C1orf50: variants seen among roughly 807,000 people sequenced by gnomAD.
C1orf50 encodes the protein chromosome 1 open reading frame 50, also known as uncharacterized protein C1orf50.
A neutral mutation model predicts 23.3 loss-of-function variants in C1orf50; 22 were observed. That is an observed-to-expected ratio of 0.94 (90% CI 0.67 to 1.35). The LOEUF (loss-of-function observed/expected upper bound fraction) is 1.35, where lower values mean the gene tolerates loss of function less well. C1orf50 is among the 40% of genes most tolerant of loss of function. C1orf50 has a pLI of 0.00. For synonymous variants in C1orf50, 96 were observed against 102.4 expected (o/e 0.94, Z 0.38); for missense variants, 271 against 249.4 (o/e 1.09, Z -0.58).
At chr1:42,771,340 A>G (rs986880499) in intron 2 of C1orf50, among the ~76,000 whole-genome samples, 1 of 152,238 alleles carries the variant, frequency 6.6e-6, no homozygotes, top group African/African-American at 2.4e-5. Flanking sequence ...TTTGATTTTA[A>G]TTAATTTGAA....
chr1:42,777,637 C>T lies in C1orf50; in HGVS notation c.*2243C>T, dbSNP rs1217932022. On this transcript the variant is annotated 3_prime_UTR_variant, in exon 5 of 5. Coordinates refer to ENST00000372525, the MANE Select transcript of C1orf50 (RefSeq NM_024097.4). Reference sequence around the variant, plus strand: ...GGTTGGAAGCAAGTCACTAGGCTAGCCCATATTCAAGGGAGGGAGTTATAC... The same window carrying T: ...GGTTGGAAGCAAGTCACTAGGCTAGTCCATATTCAAGGGAGGGAGTTATAC... 2 of 152,182 alleles carry T rather than the reference C, an allele frequency of 1.3e-5. No homozygotes were observed. Among genetic ancestry groups the T allele is most frequent in the African/African-American group, 4.8e-5 (2 of 41,436 alleles). 9.4% of individuals were successfully genotyped at this position (152,182 alleles called of 1,614,324 possible).
chr1:42,775,170 A>G, intron 4 of C1orf50, 39 bp from the exon 5 acceptor site: 1 of 1,554,300 alleles, frequency 6.4e-7, no homozygotes, highest in South Asian at 1.1e-5. Flanking sequence ...TTTGTTTACA[A>G]CCCACGCTGA....
At position 42,775,328 on chromosome 1, in the gene C1orf50, G is replaced by A. The variant is rs1346856461; in HGVS notation, c.534G>A (p.Thr178=). ...KQDAKISMMD[T]LLSQSVALPP... ...ATGCTAAAATCAGCATGATGGACAC[G>A]TTGCTAAGCCAGTCAGTGGCCCTGC... Residue 178 remains threonine (T), a synonymous_variant, in exon 5 of 5, where the codon ACG becomes ACA. Coordinates refer to ENST00000372525, the MANE Select transcript of C1orf50 (RefSeq NM_024097.4). The A allele has an allele frequency of 1.6e-5, 26 of 1,612,850 alleles. No individual in the cohort carries two copies. The highest frequency in any genetic ancestry group is 3.3e-5 in the South Asian group (3 of 91,022).
Position 42,778,747 on chromosome 1 carries a change from A to T in C1orf50, c.*3353A>T, listed in dbSNP as rs1557587721. The T allele has an allele frequency of 6.6e-6, 1 of 152,276 alleles. No homozygotes were observed. Among genetic ancestry groups the T allele is most frequent in the Non-Finnish European group, 1.5e-5 (1 of 68,058 alleles). The allele number at this position is 152,276 out of a possible 1,614,324, so 9.4% of individuals were successfully genotyped here. On this transcript the variant is annotated 3_prime_UTR_variant, in exon 5 of 5. Transcript: ENST00000372525. ...ATGGAAGGGACATTGACCAGAATTG[A>T]CACGACATTTGGGGAATCGCAGCCA...
At chr1:42,768,369 A>G (rs1208254530) in intron 2 of C1orf50, among the ~76,000 whole-genome samples, 1 of 152,234 alleles carries the variant, frequency 6.6e-6, no homozygotes, top group Non-Finnish European at 1.5e-5. Flanking sequence ...TTCCAGTTGT[A>G]CACCCTCTTC....
Position 42,774,723 on chromosome 1 carries a change from T to G in C1orf50, c.283-14T>G, listed in dbSNP as rs1489797709. 1.9e-6 allele frequency: 3 copies of G among 1,591,770 alleles called. No homozygotes were observed. Among genetic ancestry groups the G allele is most frequent in the Admixed American group, 3.4e-5 (2 of 58,572 alleles). On this transcript the variant is annotated splice_polypyrimidine_tract_variant and intron_variant, in intron 3 of 4. Transcript: ENST00000372525. ...TCTCCAATACCTAATTTGTTACATA[T>G]CTGTGATTCATAGGTACTGGAAGAT...
rs1168043774 is a variant in C1orf50 at position 42,778,787 on chromosome 1, T to A, written c.*3393T>A. 2 of 151,954 alleles carry A rather than the reference T, an allele frequency of 1.3e-5. No individual in the cohort carries two copies. Among genetic ancestry groups the A allele is most frequent in the Non-Finnish European group, 2.9e-5 (2 of 67,992 alleles). The allele number at this position is 151,954 out of a possible 1,614,324, so 9.4% of individuals were successfully genotyped here. ...AATCGCAGCCAGTTAAACAGGAGAA[T>A]ATGGACTGGGGAATATGAGAGAAGA... is the stretch of plus-strand genomic sequence containing the variant. On this transcript the variant is annotated 3_prime_UTR_variant, in exon 5 of 5. Coordinates refer to ENST00000372525, the MANE Select transcript of C1orf50 (RefSeq NM_024097.4).
At position 42,779,434 on chromosome 1, in the gene C1orf50, A is replaced by G. The variant is rs573446621; in HGVS notation, c.*4040A>G. On this transcript the variant is annotated 3_prime_UTR_variant, in exon 5 of 5. Transcript: ENST00000372525. ...TCTTACATTTGATGAAGCATGGCAC[A>G]TTGAAAGTACAATCGATTGCCATCT... The G allele has an allele frequency of 1.3e-5, 2 of 152,164 alleles. No homozygotes were observed. The highest frequency in any genetic ancestry group is 3.9e-4 in the East Asian group (2 of 5,182). The allele number at this position is 152,164 out of a possible 1,614,324, so 9.4% of individuals were successfully genotyped here.
chr1:42,771,600 A>T (rs1402545052), intron 2 of C1orf50, among the ~76,000 whole-genome samples: 13 of 152,246 alleles, frequency 8.5e-5, no homozygotes, highest in Admixed American at 7.2e-4. Context: ...ACAAAAACAA[A>T]CAAAAAATGC....
intron 2 of C1orf50, among the ~76,000 whole-genome samples, chr1:42,769,173 A>C (rs1289535216): frequency 3.3e-5 from 5 of 151,974 alleles, no homozygotes; most frequent in Non-Finnish European, 1.5e-5. Flanking sequence ...GCTTGAGCCC[A>C]GGAGACAGAG....
At chr1:42,774,968 T>G in intron 4 of C1orf50, 100 bp downstream of exon 4, 1 of 1,422,938 alleles carries the variant, frequency 7.0e-7, no homozygotes, top group Non-Finnish European at 9.5e-7. Context: ...ATATGGTTTC[T>G]TAGAAAATTG....
Position 42,775,785 on chromosome 1 carries a change from T to TATATATATATATATATATATATAA in C1orf50, c.*392_*393insTATATATATATATATATATATAAA, listed in dbSNP as rs749472119. On this transcript the variant is annotated 3_prime_UTR_variant, in exon 5 of 5. Coordinates refer to ENST00000372525, the MANE Select transcript of C1orf50 (RefSeq NM_024097.4). Reference sequence around the variant, plus strand: ...TTTTATATATATATATATATATATATAACTGGTAGTATTTAACATTGGGGT... The same window carrying TATATATATATATATATATATATAA: ...TTTTATATATATATATATATATATATATATATATATATATATATATATAAAACTGGTAGTATTTAACATTGGGGT... 2 of 144,390 alleles carry TATATATATATATATATATATATAA rather than the reference T, an allele frequency of 1.4e-5. No individual in the cohort carries two copies. The highest frequency in any genetic ancestry group is 5.0e-5 in the African/African-American group (2 of 39,634). 8.9% of individuals were successfully genotyped at this position (144,390 alleles called of 1,614,324 possible).
At chr1:42,769,964 TTTA>T (rs1292551642) in intron 2 of C1orf50, 3 of 152,258 alleles carry the variant, frequency 2.0e-5, no homozygotes, top group African/African-American at 7.2e-5. Flanking sequence ...TCCTTTGCTG[TTTA>T]TTATCTGTGA....
intron 2 of C1orf50, among the ~76,000 whole-genome samples, chr1:42,772,866 G>T (rs995299572): frequency 7.9e-5 from 12 of 152,104 alleles, no homozygotes; most frequent in Admixed American, 7.9e-4. Context: ...TCTGTTTCAG[G>T]TCCACATCAT....
chr1:42,779,486 A>G lies in C1orf50; in HGVS notation c.*4092A>G, dbSNP rs1245610038. The G allele has an allele frequency of 6.6e-6, 1 of 152,136 alleles. No homozygotes were observed. Among genetic ancestry groups the G allele is most frequent in the Non-Finnish European group, 1.5e-5 (1 of 68,022 alleles). The allele number at this position is 152,136 out of a possible 1,614,324, so 9.4% of individuals were successfully genotyped here. A position where few individuals can be genotyped will look rare whatever the true frequency, so the allele number is the denominator to read the frequency against. On this transcript the variant is annotated 3_prime_UTR_variant, in exon 5 of 5. Transcript: ENST00000372525. ...GTTAATAAAATGTCAGAGGGATTAG[A>G]GGAAAGACTCTTAGATGATGCTTGA...
chr1:42,775,058 G>A (rs979685705), intron 4 of C1orf50, 151 bp from the exon 5 acceptor site: 2 of 952,410 alleles, frequency 2.1e-6, no homozygotes, highest in South Asian at 3.6e-5. Context: ...CATTAAGGGA[G>A]GGATCTGATG....
intron 2 of C1orf50, 62 bp from the exon 3 acceptor site, chr1:42,773,501 T>C (rs2124190996): frequency 9.7e-7 from 1 of 1,029,568 alleles, no homozygotes; most frequent in Middle Eastern, 2.1e-4. Context: ...GGGATCAAGA[T>C]AAGAACATCA....
At chr1:42,772,694 T>C (rs553648087) in intron 2 of C1orf50, among the ~76,000 whole-genome samples, 1 of 152,206 alleles carries the variant, frequency 6.6e-6, no homozygotes, top group African/African-American at 2.4e-5. Flanking sequence ...CATTAGAGAA[T>C]TACTTGACTC....
rs1570488712 is a variant in C1orf50, at chr1:42,767,255, A to G, written c.-57A>G. The G allele has an allele frequency of 6.9e-7, 1 of 1,453,160 alleles. No homozygotes were observed. The highest frequency in any genetic ancestry group is 9.1e-7 in the Non-Finnish European group (1 of 1,100,392). 90.0% of individuals were successfully genotyped at this position (1,453,160 alleles called of 1,614,324 possible). A position where few individuals can be genotyped will look rare whatever the true frequency, so the allele number is the denominator to read the frequency against. ...ACGGAAGCTCCGCCCACGCGCCTTTATGCGCAGGCTCTTCCTACTCGCACA... is the reference window on the plus strand; with the variant it reads ...ACGGAAGCTCCGCCCACGCGCCTTTGTGCGCAGGCTCTTCCTACTCGCACA... On this transcript the variant is annotated 5_prime_UTR_variant, in exon 1 of 5. An upstream start codon of the reference 5' UTR is lost. Transcript: ENST00000372525.
Sources: allele counts gnomAD v4.1 joint callset (sites outside exome capture counted in the v4.1 genomes callset), GRCh38; gene constraint gnomAD v4.1.1; transcripts MANE v1.5; gene names NCBI Gene and HGNC (gene_info 2026-07-23, HGNC 2026-07-21).